GPC1: variants seen among roughly 807,000 people sequenced by gnomAD.
GPC1 encodes glypican 1.
A neutral mutation model predicts 51.5 loss-of-function variants in GPC1; 26 were observed. That is an observed-to-expected ratio of 0.50 (90% CI 0.37 to 0.70). The LOEUF (loss-of-function observed/expected upper bound fraction) is 0.70, where lower values mean the gene tolerates loss of function less well. Ranked by LOEUF, GPC1 falls within the 30% of genes least tolerant of loss-of-function variation. GPC1 has a pLI of 0.00. For missense variants in GPC1, 775 were observed against 800.5 expected, an observed-to-expected ratio of 0.97 and a Z score of 0.38; for synonymous variants, 380 against 348.3, an observed-to-expected ratio of 1.09 and a Z score of -1.01.
In GPC1 at chr2:240,465,657, AG is replaced by A; in HGVS notation, c.1444+12del. On this transcript the variant is annotated intron_variant, in intron 8 of 8. Transcript: ENST00000264039. ...GGACTTCCAGGACGCCAGTGAGGGC[AG>A]GGCCTGGCCGGGCGGCCAAGGGGCC... 1.2e-6 allele frequency: 2 copies of A among 1,611,716 alleles called. No individual in the cohort carries two copies. Among genetic ancestry groups the A allele is most frequent in the Non-Finnish European group, 1.7e-6 (2 of 1,179,204 alleles).
chr2:240,439,818 C>T lies in GPC1; in HGVS notation c.166+3734C>T, dbSNP rs571488154. ...GGCTCAGCGTGGTTCCCAGGTGGTCCTCAGCCTTTGCTGTGTCGCTGCTCT... is the reference window on the plus strand; with the variant it reads ...GGCTCAGCGTGGTTCCCAGGTGGTCTTCAGCCTTTGCTGTGTCGCTGCTCT... On this transcript the variant is annotated intron_variant, in intron 1 of 8. Transcript: ENST00000264039. 2.6e-5 allele frequency among the ~76,000 whole-genome samples: 4 copies of T among 152,352 alleles called. No individual in the cohort carries two copies. In the East Asian group the frequency reaches 7.7e-4, roughly 29 times the overall value.
chr2:240,457,916 C>T (rs1373871779), intron 1 of GPC1: 2 of 386,054 alleles, frequency 5.2e-6, no homozygotes, highest in African/African-American at 2.1e-5. Context: ...AACGCCCCCC[C>T]TTGACCCCAC....
intron 1 of GPC1, among the ~76,000 whole-genome samples, chr2:240,436,343 C>T (rs2073984186): frequency 6.6e-6 from 1 of 152,128 alleles, no homozygotes; most frequent in South Asian, 2.1e-4. Context: ...CCCCCGCACG[C>T]CGGCTTCTTC....
At position 240,468,059 on chromosome 2, in the gene GPC1, TAA is replaced by T. The variant is rs1553549347; in HGVS notation, c.*1772_*1773del. On this transcript the variant is annotated 3_prime_UTR_variant, in exon 9 of 9. Transcript: ENST00000264039. ...GTGTTCTTTTGAGTCCTTGTATGAATAAAAGGCTGGAAACCTACAGCAGGGCG... is the reference window on the plus strand; with the variant it reads ...GTGTTCTTTTGAGTCCTTGTATGAATAAGGCTGGAAACCTACAGCAGGGCG... 1.3e-5 allele frequency: 2 copies of T among 152,306 alleles called. No individual in the cohort carries two copies. Among genetic ancestry groups the T allele is most frequent in the Non-Finnish European group, 2.9e-5 (2 of 68,140 alleles). 9.4% of individuals were successfully genotyped at this position (152,306 alleles called of 1,614,324 possible).
intron 1 of GPC1, among the ~76,000 whole-genome samples, chr2:240,439,831 G>A (rs1475096194): frequency 6.6e-6 from 1 of 152,220 alleles, no homozygotes; most frequent in African/African-American, 2.4e-5. Context: ...AGCCTTTGCT[G>A]TGTCGCTGCT....
chr2:240,452,986 C>G (rs765218931), intron 1 of GPC1: 6 of 353,412 alleles, frequency 1.7e-5, no homozygotes, highest in South Asian at 1.1e-4. Context: ...AGAGCCCGCG[C>G]GCCGCCCGGA....
intron 1 of GPC1, chr2:240,457,905 C>T (rs945470977): frequency 7.1e-5 from 26 of 364,516 alleles, no homozygotes; most frequent in African/African-American, 4.9e-4. Flanking sequence ...TTCCTGCTGA[C>T]AACGCCCCCC....
At position 240,464,681 on chromosome 2, in the gene GPC1, G is replaced by C. The variant is rs200045063; in HGVS notation, c.949G>C (p.Val317Leu). 1.3e-5 allele frequency: 21 copies of C among 1,612,972 alleles called. No individual in the cohort carries two copies. The highest frequency in any genetic ancestry group is 1.7e-5 in the Admixed American group (1 of 59,974). ...TSGVESVIGS[V>L]HTWLAEAINA... ...GGGTGTGGAGAGTGTCATCGGCAGC[G>C]TGCACACGTGGCTGGCGGAGGCCAT... is the stretch of plus-strand genomic sequence containing the variant. Residue 317 changes from valine (V) to leucine (L), a missense_variant, in exon 5 of 9, where the codon GTG (valine) becomes CTG (leucine). Transcript: ENST00000264039.
intron 1 of GPC1, chr2:240,458,808 C>A (rs1420497810): frequency 1.8e-6 from 1 of 547,378 alleles, no homozygotes; most frequent in Non-Finnish European, 3.3e-6. Flanking sequence ...GGCAGCCGTG[C>A]TCTTGTGTCA....
At chr2:240,460,000 G>A (rs1369516786) in intron 2 of GPC1, among the ~76,000 whole-genome samples, 2 of 152,232 alleles carry the variant, frequency 1.3e-5, no homozygotes, top group South Asian at 2.1e-4. Context: ...GAGGCTGCAG[G>A]GCTCCATTGT....
chr2:240,456,959 A>G (rs911945851), intron 1 of GPC1, among the ~76,000 whole-genome samples: 1 of 152,084 alleles, frequency 6.6e-6, no homozygotes, highest in African/African-American at 2.4e-5. Flanking sequence ...TCCTCACCCC[A>G]GCTGGCTCCC....
At chr2:240,440,173 A>C (rs1285928284) in intron 1 of GPC1, among the ~76,000 whole-genome samples, 1 of 152,166 alleles carries the variant, frequency 6.6e-6, no homozygotes. Flanking sequence ...CCCTCTGCAA[A>C]GGCCCACACA....
At chr2:240,457,907 ACG>A (rs2074182394) in intron 1 of GPC1, 28 of 361,052 alleles carry the variant, frequency 7.8e-5, no homozygotes, top group South Asian at 2.6e-4. Context: ...CCTGCTGACA[ACG>A]CCCCCCCTTG....
At chr2:240,454,905 G>T in intron 1 of GPC1, 1 of 212,348 alleles carries the variant, frequency 4.7e-6, no homozygotes. Context: ...TGGGGATGGG[G>T]GCCACTGTCA....
intron 1 of GPC1, chr2:240,450,816 G>A (rs2074092365): frequency 4.3e-6 from 2 of 468,500 alleles, no homozygotes; most frequent in South Asian, 1.6e-5. Context: ...CGGCCTGGGT[G>A]CCAGGTAGGG....
Position 240,456,805 on chromosome 2 carries a change from A to C in GPC1, c.167-2225A>C, listed in dbSNP as rs1294645760. Reference sequence around the variant, plus strand: ...TGGGGCAGAATCCCATCAGTGAATAAAGGCTGCAGAGTGAAGGATGGTCCC... The same window carrying C: ...TGGGGCAGAATCCCATCAGTGAATACAGGCTGCAGAGTGAAGGATGGTCCC... On this transcript the variant is annotated intron_variant, in intron 1 of 8. Coordinates refer to ENST00000264039, the MANE Select transcript of GPC1 (RefSeq NM_002081.3). The C allele has an allele frequency of 8.7e-6, 3 of 345,394 alleles. No homozygotes were observed. In the East Asian group the frequency reaches 2.3e-4, roughly 27 times the overall value. 21.4% of individuals were successfully genotyped at this position (345,394 alleles called of 1,614,324 possible).
chr2:240,454,564 C>T (rs1373361696), intron 1 of GPC1, among the ~76,000 whole-genome samples: 1 of 152,226 alleles, frequency 6.6e-6, no homozygotes, highest in Non-Finnish European at 1.5e-5. Flanking sequence ...CTAGGCTCTT[C>T]CCTTGCGTGT....
In GPC1 at chr2:240,465,545, C is replaced by T; in HGVS notation, c.1341C>T (p.Thr447=). The change falls in exon 8 of 9, where the codon ACC becomes ACT. Residue 447 remains threonine, a synonymous_variant. Transcript: ENST00000264039. ...INNPEVEVDI[T]KPDMTIRQQI... Reference sequence around the variant, plus strand: ...ACCCCGAGGTGGAGGTGGACATCACCAAGCCGGACATGACCATCCGGCAGC... The same window carrying T: ...ACCCCGAGGTGGAGGTGGACATCACTAAGCCGGACATGACCATCCGGCAGC... 1 of 1,613,140 alleles carries T rather than the reference C, an allele frequency of 6.2e-7. No individual in the cohort carries two copies. The highest frequency in any genetic ancestry group is 8.5e-7 in the Non-Finnish European group (1 of 1,179,964).
chr2:240,446,060 G>A (rs1012989328), intron 1 of GPC1, among the ~76,000 whole-genome samples: 2 of 152,218 alleles, frequency 1.3e-5, no homozygotes, highest in Non-Finnish European at 2.9e-5. Context: ...AATGGGCAAC[G>A]GGGCCCACGG....
Sources: allele counts gnomAD v4.1 joint callset (sites outside exome capture counted in the v4.1 genomes callset), GRCh38; gene constraint gnomAD v4.1.1; transcripts MANE v1.5; gene names NCBI Gene and HGNC (gene_info 2026-07-23, HGNC 2026-07-21).